SGCZ: variants seen among roughly 807,000 people sequenced by gnomAD.
SGCZ encodes zeta-sarcoglycan.
A neutral mutation model predicts 41.3 loss-of-function variants in SGCZ; 40 were observed. The ratio of observed to expected loss-of-function variants is 0.97; its 90% CI spans 0.75 to 1.26. The LOEUF (loss-of-function observed/expected upper bound fraction) is 1.26. Ranked by LOEUF, SGCZ falls within the 50% of genes most tolerant of loss-of-function variation. SGCZ has a pLI of 0.00. For missense variants in SGCZ, 552 were observed against 369.8 expected (o/e 1.49, Z -4.04); for synonymous variants, 206 against 137.5 (o/e 1.50, Z -3.49).
chr8:14,278,417 A>G (rs149014211), intron 3 of SGCZ, among the ~76,000 whole-genome samples: 3 of 152,264 alleles, frequency 2.0e-5, no homozygotes, highest in Middle Eastern at 3.4e-3. Context: ...TTACTGAGCC[A>G]TCCAAATAAT....
At chr8:14,658,075 T>C (rs935489963) in intron 1 of SGCZ, among the ~76,000 whole-genome samples, 3 of 152,180 alleles carry the variant, frequency 2.0e-5, no homozygotes, top group African/African-American at 7.2e-5. Flanking sequence ...CACAACATTA[T>C]GCCATGTCCA....
chr8:14,280,053 T>C (rs1585314030), intron 3 of SGCZ, among the ~76,000 whole-genome samples: 2 of 151,984 alleles, frequency 1.3e-5, no homozygotes, highest in East Asian at 3.9e-4. Flanking sequence ...TTCTGAGTCA[T>C]ACAATGTGGG....
intron 1 of SGCZ, among the ~76,000 whole-genome samples, chr8:15,042,799 C>T (rs1436407295): frequency 6.6e-6 from 1 of 152,170 alleles, no homozygotes; most frequent in African/African-American, 2.4e-5. Flanking sequence ...TCTCTTTCCA[C>T]ATCAAACAAG....
At chr8:14,165,632 C>A (rs1485923879) in intron 4 of SGCZ, among the ~76,000 whole-genome samples, 1 of 152,052 alleles carries the variant, frequency 6.6e-6, no homozygotes, top group African/African-American at 2.4e-5. Flanking sequence ...GGAAACCTTC[C>A]TCCTCTTCTA....
At chr8:14,804,914 G>A (rs1419330723) in intron 1 of SGCZ, among the ~76,000 whole-genome samples, 4 of 78,994 alleles carry the variant, frequency 5.1e-5, no homozygotes, top group African/African-American at 1.5e-4. Flanking sequence ...AAGAGAGTGG[G>A]GGCCAATATT....
Position 15,230,052 on chromosome 8 carries a change from A to G in SGCZ, c.39+7533T>C, listed in dbSNP as rs17121159. On this transcript the variant is annotated intron_variant, in intron 1 of 7. Coordinates refer to ENST00000382080, the MANE Select transcript of SGCZ (RefSeq NM_139167.4). ...TGCATTTTTAACTATTTTGAAGTAAACCGGAATGTGCATGAAGAGATGTGA... is the reference window on the plus strand; with the variant it reads ...TGCATTTTTAACTATTTTGAAGTAAGCCGGAATGTGCATGAAGAGATGTGA... Among the ~76,000 whole-genome samples the G allele has an allele frequency of 7.2e-5, 11 of 152,194 alleles. No individual in the cohort carries two copies. In the East Asian group the frequency reaches 2.1e-3, roughly 29 times the overall value.
At chr8:15,144,196 T>C (rs919346905) in intron 1 of SGCZ, among the ~76,000 whole-genome samples, 21 of 152,208 alleles carry the variant, frequency 1.4e-4, no homozygotes, top group African/African-American at 4.3e-4. Context: ...AATCAGAAAA[T>C]TGCATTCCAC....
At chr8:14,303,118 A>C (rs1379624462) in intron 3 of SGCZ, among the ~76,000 whole-genome samples, 2 of 152,188 alleles carry the variant, frequency 1.3e-5, no homozygotes, top group African/African-American at 4.8e-5. Context: ...TTGGTGAAAT[A>C]AAATGTCATA....
In SGCZ at chr8:15,181,529, T is replaced by A. The variant is rs143639880; in HGVS notation, c.39+56056A>T. Among the ~76,000 whole-genome samples the A allele has an allele frequency of 1.0e-3, 155 of 152,310 alleles. 2 individuals are homozygous for A. The highest frequency in any genetic ancestry group is 5.8e-3 in the South Asian group (28 of 4,822). On this transcript the variant is annotated intron_variant, in intron 1 of 7. Coordinates refer to ENST00000382080, the MANE Select transcript of SGCZ (RefSeq NM_139167.4). Reference sequence around the variant, plus strand: ...GATACAAATTTGTTCTGTGTGATGATATTCTCTTACTAGAAACTGTAGTGT... The same window carrying A: ...GATACAAATTTGTTCTGTGTGATGAAATTCTCTTACTAGAAACTGTAGTGT...
chr8:14,234,725 C>T (rs1273641116), intron 4 of SGCZ, among the ~76,000 whole-genome samples: 2 of 152,154 alleles, frequency 1.3e-5, no homozygotes, highest in South Asian at 4.1e-4. Context: ...TATGTATACA[C>T]AATTAAAATT....
Position 14,458,681 on chromosome 8 carries a change from A to T in SGCZ, c.234+96051T>A, listed in dbSNP as rs548215257. 3.3e-5 allele frequency among the ~76,000 whole-genome samples: 5 copies of T among 152,228 alleles called. No homozygotes were observed. The East Asian group carries it at 9.7e-4, about 29-fold the overall frequency. ...TCTATCTAGCAACATATGGAGTAGTATCTCTATCTATCTATCTATATATCT... is the reference window on the plus strand; with the variant it reads ...TCTATCTAGCAACATATGGAGTAGTTTCTCTATCTATCTATCTATATATCT... On this transcript the variant is annotated intron_variant, in intron 2 of 7. Transcript: ENST00000382080.
At chr8:15,056,314 G>A (rs772523663) in intron 1 of SGCZ, among the ~76,000 whole-genome samples, 1 of 152,094 alleles carries the variant, frequency 6.6e-6, no homozygotes, top group East Asian at 1.9e-4. Flanking sequence ...AGAGGAATAT[G>A]TTATTGTTTT....
chr8:14,926,262 T>C (rs1563367913), intron 1 of SGCZ, among the ~76,000 whole-genome samples: 1 of 152,080 alleles, frequency 6.6e-6, no homozygotes, highest in Admixed American at 6.6e-5. Context: ...AAAATAAGCA[T>C]AAAAAATAAT....
At chr8:14,642,917 T>G (rs948468255) in intron 1 of SGCZ, among the ~76,000 whole-genome samples, 3 of 151,526 alleles carry the variant, frequency 2.0e-5, no homozygotes, top group African/African-American at 7.3e-5. Context: ...AATGTAAGCT[T>G]AAAAGGGTAG....
chr8:15,218,681 C>T (rs1274513855), intron 1 of SGCZ, among the ~76,000 whole-genome samples: 1 of 152,196 alleles, frequency 6.6e-6, no homozygotes, highest in African/African-American at 2.4e-5. Context: ...ACAGCCCAAT[C>T]ATGTTTCACT....
intron 1 of SGCZ, among the ~76,000 whole-genome samples, chr8:15,061,462 C>T (rs1804926498): frequency 6.6e-6 from 1 of 150,886 alleles, no homozygotes; most frequent in Non-Finnish European, 1.5e-5. Context: ...AGCAAACCAC[C>T]ATGGCATGTG....
intron 1 of SGCZ, among the ~76,000 whole-genome samples, chr8:14,745,691 G>A (rs1034695576): frequency 1.3e-5 from 2 of 151,638 alleles, no homozygotes; most frequent in African/African-American, 4.9e-5. Flanking sequence ...ATACATACAT[G>A]CCATATATAT....
intron 1 of SGCZ, among the ~76,000 whole-genome samples, chr8:14,796,866 G>T (rs1456054051): frequency 2.0e-5 from 3 of 152,136 alleles, no homozygotes; most frequent in Non-Finnish European, 4.4e-5. Context: ...GTACCCACAA[G>T]ATCTGATGGT....
intron 1 of SGCZ, among the ~76,000 whole-genome samples, chr8:14,768,987 T>A (rs1478508674): frequency 6.6e-6 from 1 of 152,054 alleles, no homozygotes; most frequent in African/African-American, 2.4e-5. Context: ...CATATGTAGA[T>A]ACGGGCTGAA....
Sources: gnomAD v4.1 joint callset for allele counts (sites outside exome capture counted in the v4.1 genomes callset) on GRCh38, gnomAD v4.1.1 for gene constraint, MANE v1.5 for transcripts, NCBI Gene and HGNC (gene_info 2026-07-23, HGNC 2026-07-21) for gene names.